Variants in NARS1 observed in about 807,000 individuals in gnomAD.
NARS1 encodes the protein asparaginyl-tRNA synthetase 1.
NARS1 carries 65 observed loss-of-function variants against 79.2 expected under a neutral mutation model. The observed-to-expected ratio is 0.82, with a 90% CI of 0.67 to 1.01. The LOEUF (loss-of-function observed/expected upper bound fraction) is 1.01. Among genes scored for constraint, NARS1 ranks in the 50% least tolerant of loss-of-function variants. NARS1 has a pLI of 0.00. For missense variants in NARS1, 649 were observed against 673.8 expected, an observed-to-expected ratio of 0.96 and a Z score of 0.41; for synonymous variants, 229 against 238.8, an observed-to-expected ratio of 0.96 and a Z score of 0.38.
chr18:57,621,478 C>A (rs1175873843), intron 1 of NARS1, among the ~76,000 whole-genome samples: 1 of 152,182 alleles, frequency 6.6e-6, no homozygotes, highest in East Asian at 1.9e-4. Context: ...CCCGGAGCCA[C>A]CGCCATCGCA....
At chr18:57,602,999 A>T in intron 11 of NARS1, 56 bp from the exon 12 acceptor site, 3 of 1,590,142 alleles carry the variant, frequency 1.9e-6, no homozygotes, top group Non-Finnish European at 2.6e-6. Flanking sequence ...ACAAGACAGA[A>T]GCAGCTCCTT....
At chr18:57,617,914 CAAA>C (rs34518818) in intron 2 of NARS1, among the ~76,000 whole-genome samples, 1 of 97,066 alleles carries the variant, frequency 1.0e-5, no homozygotes. Context: ...GACTCCTTTT[CAAA>C]AAAAAAAAAA....
intron 4 of NARS1, among the ~76,000 whole-genome samples, chr18:57,613,918 C>G (rs564359716): frequency 6.6e-6 from 1 of 152,048 alleles, no homozygotes; most frequent in African/African-American, 2.4e-5. Flanking sequence ...TGAGAAACAC[C>G]CAGAAGAATT....
At chr18:57,616,014 T>C (rs747137381) in intron 2 of NARS1, 39 bp from the exon 3 acceptor site, 1 of 1,502,152 alleles carries the variant, frequency 6.7e-7, no homozygotes, top group Admixed American at 2.2e-5. Flanking sequence ...TCTTGAACAT[T>C]GTACAATACT....
chr18:57,601,837 C>A, intron 13 of NARS1, 54 bp from the exon 14 acceptor site: 2 of 1,574,922 alleles, frequency 1.3e-6, no homozygotes, highest in Admixed American at 1.7e-5. Flanking sequence ...TTAAAACTTT[C>A]ATCTAAGACA....
At chr18:57,618,859 G>C (rs1014589609) in intron 2 of NARS1, among the ~76,000 whole-genome samples, 2 of 152,034 alleles carry the variant, frequency 1.3e-5, no homozygotes, top group African/African-American at 4.8e-5. Context: ...CCATGAATGC[G>C]CTACTGCACT....
intron 5 of NARS1, among the ~76,000 whole-genome samples, chr18:57,613,270 A>T (rs2051620024): frequency 6.6e-6 from 1 of 152,010 alleles, no homozygotes; most frequent in African/African-American, 2.4e-5. Context: ...AAGACAGTGG[A>T]TCACCTGAGG....
chr18:57,609,354 C>A lies in NARS1; in HGVS notation c.579+3G>T. The A allele has an allele frequency of 6.2e-7, 1 of 1,611,344 alleles. No individual in the cohort carries two copies. The highest frequency in any genetic ancestry group is 1.3e-5 in the African/African-American group (1 of 74,988). On this transcript the variant is annotated splice_donor_region_variant and intron_variant, in intron 7 of 13. Coordinates refer to ENST00000256854, the MANE Select transcript of NARS1 (RefSeq NM_004539.4). ...CACCCAGTGCGAAACTCAATCCACT[C>A]ACCTGCTTGCCCTTTGGGGTAAGAT...
At chr18:57,602,309 G>T in intron 13 of NARS1, 46 bp downstream of exon 13, 3 of 1,584,552 alleles carry the variant, frequency 1.9e-6, no homozygotes, top group African/African-American at 2.7e-5. Context: ...TATACAGAAC[G>T]ATTACAGTGG....
chr18:57,620,380 AAGT>A (rs1908248209), intron 2 of NARS1, among the ~76,000 whole-genome samples, 186 bp downstream of exon 2: 2 of 124,576 alleles, frequency 1.6e-5, no homozygotes, highest in South Asian at 5.1e-4. Context: ...AAATGTTAAA[AAGT>A]AAGTTTAGAC....
At chr18:57,612,526 C>T (rs1482902335) in intron 5 of NARS1, among the ~76,000 whole-genome samples, 1 of 152,034 alleles carries the variant, frequency 6.6e-6, no homozygotes, top group African/African-American at 2.4e-5. Context: ...ACCTCTGCCT[C>T]CCAGGTTCAA....
chr18:57,606,283 T>A (rs543527224), intron 10 of NARS1, among the ~76,000 whole-genome samples: 2 of 150,400 alleles, frequency 1.3e-5, no homozygotes, highest in East Asian at 3.9e-4. Context: ...GAGGCAGAGG[T>A]TGCAGTGAGC....
intron 5 of NARS1, among the ~76,000 whole-genome samples, chr18:57,612,174 T>C (rs780386559): frequency 6.6e-6 from 1 of 152,086 alleles, no homozygotes; most frequent in Non-Finnish European, 1.5e-5. Context: ...ATTTGTAAAA[T>C]ATTTTATTTT....
chr18:57,609,562 G>A (rs1035010032), intron 6 of NARS1, 119 bp from the exon 7 acceptor site: 1 of 695,142 alleles, frequency 1.4e-6, no homozygotes. Flanking sequence ...GTAAAATAAA[G>A]AGTGAGATGG....
intron 5 of NARS1, among the ~76,000 whole-genome samples, chr18:57,612,246 G>A (rs1281254583): frequency 1.3e-5 from 2 of 152,200 alleles, no homozygotes; most frequent in African/African-American, 4.8e-5. Context: ...GGGGAAAGCA[G>A]GACAGAAGGC....
chr18:57,619,774 C>A (rs1180467629), intron 2 of NARS1, among the ~76,000 whole-genome samples: 1 of 152,090 alleles, frequency 6.6e-6, no homozygotes, highest in African/African-American at 2.4e-5. Context: ...ACTGCAACCT[C>A]CACCTTCCAG....
chr18:57,616,145 G>A, intron 2 of NARS1, 170 bp from the exon 3 acceptor site: 1 of 623,368 alleles, frequency 1.6e-6, no homozygotes, highest in Non-Finnish European at 2.6e-6. Flanking sequence ...CACACTGGTT[G>A]GCTGGGCGCG....
chr18:57,613,746 A>G (rs913670880), intron 4 of NARS1, 66 bp from the exon 5 acceptor site: 1 of 1,312,174 alleles, frequency 7.6e-7, no homozygotes, highest in African/African-American at 1.5e-5. Flanking sequence ...TTTTTCACTA[A>G]TATTAGGCAG....
chr18:57,621,692 A>C lies in NARS1; in HGVS notation c.10+16T>G. On this transcript the variant is annotated intron_variant, in intron 1 of 13. Coordinates refer to ENST00000256854, the MANE Select transcript of NARS1 (RefSeq NM_004539.4). ...CCAGGCAGGGAACACCGCGCCATACACTGAGTCTCACCCACCTAGCACCAT... is the reference window on the plus strand; with the variant it reads ...CCAGGCAGGGAACACCGCGCCATACCCTGAGTCTCACCCACCTAGCACCAT... 2 of 1,612,028 alleles carry C rather than the reference A, an allele frequency of 1.2e-6. No homozygotes were observed. The highest frequency in any genetic ancestry group is 3.3e-5 in the Admixed American group (2 of 60,026).
Sources: allele counts gnomAD v4.1 joint callset (sites outside exome capture counted in the v4.1 genomes callset), GRCh38; gene constraint gnomAD v4.1.1; transcripts MANE v1.5; gene names NCBI Gene and HGNC (gene_info 2026-07-23, HGNC 2026-07-21).